Variants in SAMD12 observed in about 807,000 individuals in gnomAD.
The protein encoded by SAMD12 is sterile alpha motif domain-containing protein 12.
A neutral mutation model predicts 15.0 loss-of-function variants in SAMD12; 9 were observed. The ratio of observed to expected loss-of-function variants is 0.60; its 90% CI spans 0.36 to 1.05. The LOEUF is 1.05. Ranked by LOEUF, SAMD12 falls within the 50% of genes least tolerant of loss-of-function variation. SAMD12 has a pLI of 0.01. For missense variants in SAMD12, 230 were observed against 234.2 expected, an observed-to-expected ratio of 0.98 and a Z score of 0.12; for synonymous variants, 86 against 90.1, an observed-to-expected ratio of 0.96 and a Z score of 0.25.
At chr8:118,319,837 G>T (rs1224194812) in intron 4 of SAMD12, among the ~76,000 whole-genome samples, 3 of 152,070 alleles carry the variant, frequency 2.0e-5, no homozygotes, top group Non-Finnish European at 4.4e-5. Flanking sequence ...GTTTAAATTT[G>T]GTGTCTGAGT....
chr8:118,215,203 T>C, intron 4 of SAMD12, among the ~76,000 whole-genome samples: 1 of 152,218 alleles, frequency 6.6e-6, no homozygotes, highest in East Asian at 1.9e-4. Context: ...CTCCTGTTTC[T>C]GAAAATAAAG....
chr8:118,285,641 G>A (rs1813940211), intron 4 of SAMD12, among the ~76,000 whole-genome samples: 1 of 152,142 alleles, frequency 6.6e-6, no homozygotes, highest in Admixed American at 6.5e-5. Context: ...TGGAAATAAT[G>A]GGGCTCAGTT....
chr8:118,357,923 AT>A (rs1303076073), intron 4 of SAMD12, among the ~76,000 whole-genome samples: 1 of 152,126 alleles, frequency 6.6e-6, no homozygotes. Flanking sequence ...AGGTGGGAGG[AT>A]CCCTTAAGCC....
chr8:118,459,170 A>G lies in SAMD12; in HGVS notation c.193-19209T>C, dbSNP rs574528960. 4.6e-5 allele frequency among the ~76,000 whole-genome samples: 7 copies of G among 151,944 alleles called. No homozygotes were observed. The South Asian group carries it at 1.5e-3, about 32-fold the overall frequency. ...AACCTCCGCCTCCCCGGTTCAAGTG[A>G]TTCTCCTGCCTCAACCTCCTGAGTA... is the stretch of plus-strand genomic sequence containing the variant. On this transcript the variant is annotated intron_variant, in intron 2 of 3. Coordinates refer to ENST00000314727, the MANE Select transcript of SAMD12 (RefSeq NM_207506.3).
intron 4 of SAMD12, chr8:118,284,607 A>G (rs898136151): frequency 8.5e-5 from 21 of 247,720 alleles, no homozygotes; most frequent in Non-Finnish European, 1.5e-4. Context: ...TACATACAGC[A>G]TCATTGTTTT....
intron 3 of SAMD12, among the ~76,000 whole-genome samples, chr8:118,399,894 G>C (rs572845839): frequency 1.3e-5 from 2 of 152,084 alleles, no homozygotes; most frequent in Non-Finnish European, 2.9e-5. Context: ...AGGCTTCTAG[G>C]TTACCTGTCT....
At chr8:118,166,874 C>G in the SAMD12 span, among the ~76,000 whole-genome samples, 1 of 152,144 alleles carries the variant, frequency 6.6e-6, no homozygotes, top group South Asian at 2.1e-4. Context: ...CTGGGTGTCT[C>G]TAGGAGGCAT....
chr8:118,577,506 G>A (rs146420377), intron 2 of SAMD12, among the ~76,000 whole-genome samples: 2 of 152,296 alleles, frequency 1.3e-5, no homozygotes, highest in East Asian at 3.9e-4. Context: ...GTGGTGTGCT[G>A]AGGGATTGGT....
intron 1 of SAMD12, among the ~76,000 whole-genome samples, chr8:118,584,604 T>C (rs1827384611): frequency 6.6e-6 from 1 of 152,138 alleles, no homozygotes; most frequent in Non-Finnish European, 1.5e-5. Context: ...TTTACTTAAT[T>C]TGAATGTCAT....
intron 4 of SAMD12, among the ~76,000 whole-genome samples, chr8:118,201,390 T>C (rs1318978294): frequency 1.3e-5 from 2 of 152,190 alleles, no homozygotes; most frequent in Non-Finnish European, 2.9e-5. Context: ...CTTTATGAAG[T>C]ATTCTTTCCT....
intron 4 of SAMD12, among the ~76,000 whole-genome samples, chr8:118,203,469 T>C (rs2129783391): frequency 6.6e-6 from 1 of 152,138 alleles, no homozygotes; most frequent in South Asian, 2.1e-4. Context: ...TGCTGAACAT[T>C]TTAGAATGTA....
chr8:118,608,766 A>G (rs758022032), intron 1 of SAMD12, among the ~76,000 whole-genome samples: 4 of 152,146 alleles, frequency 2.6e-5, no homozygotes, highest in African/African-American at 4.8e-5. Context: ...GGCTTCCCAA[A>G]GTGCTGAAAG....
chr8:118,487,181 G>T (rs1824315110), intron 2 of SAMD12, among the ~76,000 whole-genome samples: 1 of 152,096 alleles, frequency 6.6e-6, no homozygotes, highest in African/African-American at 2.4e-5. Context: ...TTCCCACCAA[G>T]GCAACCCATT....
chr8:118,469,859 A>C (rs967566438), intron 2 of SAMD12, among the ~76,000 whole-genome samples: 5 of 151,888 alleles, frequency 3.3e-5, no homozygotes, highest in African/African-American at 7.3e-5. Flanking sequence ...CACCATGCCC[A>C]GCCTGTACTA....
At chr8:118,285,034 G>A (rs919739566) in intron 4 of SAMD12, 2 of 151,280 alleles carry the variant, frequency 1.3e-5, no homozygotes, top group Non-Finnish European at 2.9e-5. Flanking sequence ...CAAATGACCC[G>A]GCCGAAGTTC....
intron 4 of SAMD12, among the ~76,000 whole-genome samples, chr8:118,325,457 A>G (rs1050874420): frequency 6.6e-6 from 1 of 152,216 alleles, no homozygotes; most frequent in Admixed American, 6.5e-5. Context: ...TTGACAAGTA[A>G]AAATGAAATA....
chr8:118,221,679 T>C (rs1439972300), intron 4 of SAMD12, among the ~76,000 whole-genome samples: 2 of 152,176 alleles, frequency 1.3e-5, no homozygotes, highest in Non-Finnish European at 2.9e-5. Context: ...GATTTTATCA[T>C]GCAGGCAGTG....
intron 4 of SAMD12, among the ~76,000 whole-genome samples, chr8:118,294,870 G>C (rs973215386): frequency 5.9e-5 from 9 of 152,008 alleles, no homozygotes; most frequent in Non-Finnish European, 8.8e-5. Flanking sequence ...AAGTGATTAG[G>C]CTCATCTAGT....
intron 2 of SAMD12, among the ~76,000 whole-genome samples, chr8:118,494,277 T>C (rs1277568388): frequency 6.6e-6 from 1 of 152,226 alleles, no homozygotes; most frequent in African/African-American, 2.4e-5. Context: ...TCCTTGATTT[T>C]AGTCTATAAG....
Sources: gnomAD v4.1 joint callset for allele counts (sites outside exome capture counted in the v4.1 genomes callset) on GRCh38, gnomAD v4.1.1 for gene constraint, MANE v1.5 for transcripts, NCBI Gene and HGNC (gene_info 2026-07-23, HGNC 2026-07-21) for gene names.